KCNG3: variants seen among roughly 807,000 people sequenced by gnomAD.
KCNG3 encodes the protein voltage-gated potassium channel regulatory subunit KCNG3.
KCNG3 carries 15 observed loss-of-function variants against 29.0 expected under a neutral mutation model. The ratio of observed to expected loss-of-function variants is 0.52; its 90% CI spans 0.35 to 0.80. The LOEUF (loss-of-function observed/expected upper bound fraction) is 0.80, where lower values mean the gene tolerates loss of function less well. KCNG3 is among the 30% of genes least tolerant of loss of function. KCNG3 has a pLI of 0.01. For missense variants in KCNG3, 512 were observed against 605.7 expected (o/e 0.85, Z 1.62); for synonymous variants, 322 against 248.9 (o/e 1.29, Z -2.76).
At chr2:42,396,944 T>G in the KCNG3 span, among the ~76,000 whole-genome samples, 1 of 152,088 alleles carries the variant, frequency 6.6e-6, no homozygotes, top group African/African-American at 2.4e-5. Context: ...AGCCACACAA[T>G]GGAGTAATGG....
the KCNG3 span, among the ~76,000 whole-genome samples, chr2:42,426,023 T>C: frequency 6.6e-6 from 1 of 152,242 alleles, no homozygotes; most frequent in African/African-American, 2.4e-5. Context: ...ATGTTCAAGC[T>C]GTAGAGACTT....
chr2:42,443,289 G>T lies in KCNG3; in HGVS notation c.*645C>A, dbSNP rs1044391997. The T allele has an allele frequency of 6.6e-6, 1 of 152,434 alleles. No individual in the cohort carries two copies. 9.4% of individuals were successfully genotyped at this position (152,434 alleles called of 1,614,324 possible). A position where few individuals can be genotyped will look rare whatever the true frequency, so the allele number is the denominator to read the frequency against. ...AAGAGATAAATCCAAAATGGAAAAGGGAGAACATACTCAAGCTTCCATGAA... is the reference window on the plus strand; with the variant it reads ...AAGAGATAAATCCAAAATGGAAAAGTGAGAACATACTCAAGCTTCCATGAA... On this transcript the variant is annotated 3_prime_UTR_variant, in exon 2 of 2. Transcript: ENST00000306078.
rs1399052488 is a variant in KCNG3, at chr2:42,484,606, G to A, written c.665+8231C>T. 4.6e-5 allele frequency among the ~76,000 whole-genome samples: 7 copies of A among 152,198 alleles called. No individual in the cohort carries two copies. In the East Asian group the frequency reaches 5.8e-4, roughly 13 times the overall value. The stretch of plus-strand genomic sequence containing the variant: ...TTCATATGTGCATGGAAAGTTTCTC[G>A]AAGAATACCCAGAAACTGGGTGGTG... On this transcript the variant is annotated intron_variant, in intron 1 of 1. Transcript: ENST00000306078.
chr2:42,402,895 A>C, the KCNG3 span, among the ~76,000 whole-genome samples: 1 of 152,184 alleles, frequency 6.6e-6, no homozygotes, highest in African/African-American at 2.4e-5. Flanking sequence ...GAATGTAAAA[A>C]ATGTTTGTCA....
intron 1 of KCNG3, among the ~76,000 whole-genome samples, chr2:42,471,294 A>T (rs1425751762): frequency 6.6e-6 from 1 of 152,168 alleles, no homozygotes. Flanking sequence ...TGGGTAAACA[A>T]CATGTTGCAT....
chr2:42,392,181 G>T, the KCNG3 span, among the ~76,000 whole-genome samples: 1 of 152,128 alleles, frequency 6.6e-6, no homozygotes, highest in Non-Finnish European at 1.5e-5. Flanking sequence ...ATGAACTCAG[G>T]AGGCTCTCCC....
chr2:42,471,207 C>A (rs1294631969), intron 1 of KCNG3, among the ~76,000 whole-genome samples: 1 of 147,010 alleles, frequency 6.8e-6, no homozygotes, highest in Non-Finnish European at 1.5e-5. Flanking sequence ...TATATTCACA[C>A]AAAAATTTGG....
chr2:42,460,762 G>A (rs541081469), intron 1 of KCNG3, among the ~76,000 whole-genome samples: 1 of 152,254 alleles, frequency 6.6e-6, no homozygotes, highest in Admixed American at 6.5e-5. Context: ...ACTGACCAGT[G>A]TTTAGGCTTC....
chr2:42,455,258 C>T (rs146112884), intron 1 of KCNG3, among the ~76,000 whole-genome samples: 6 of 152,164 alleles, frequency 3.9e-5, no homozygotes, highest in Non-Finnish European at 7.3e-5. Flanking sequence ...TGAGCCACCA[C>T]GCCCAGCAAG....
the KCNG3 span, among the ~76,000 whole-genome samples, chr2:42,393,038 A>G: frequency 6.6e-6 from 1 of 152,168 alleles, no homozygotes; most frequent in African/African-American, 2.4e-5. Context: ...TATTATATTA[A>G]GCCCAAATTA....
At chr2:42,445,978 C>A (rs112366263) in intron 1 of KCNG3, among the ~76,000 whole-genome samples, 8,394 of 151,972 alleles carry the variant, frequency 0.055, 258 homozygotes, top group Middle Eastern at 0.1. Flanking sequence ...CTGCCCACCT[C>A]AGCCTCCCGA....
Position 42,443,270 on chromosome 2 carries a change from T to G in KCNG3, c.*664A>C, listed in dbSNP as rs1340174921. The G allele has an allele frequency of 6.6e-6, 1 of 152,386 alleles. No individual in the cohort carries two copies. Among genetic ancestry groups the G allele is most frequent in the Non-Finnish European group, 1.5e-5 (1 of 68,020 alleles). The allele number at this position is 152,386 out of a possible 1,614,324, so 9.4% of individuals were successfully genotyped here. A position where few individuals can be genotyped will look rare whatever the true frequency, so the allele number is the denominator to read the frequency against. On this transcript the variant is annotated 3_prime_UTR_variant, in exon 2 of 2. Transcript: ENST00000306078. ...CTTTTGAGTCATTACAGTAAAGAGA[T>G]AAATCCAAAATGGAAAAGGGAGAAC...
At chr2:42,459,909 G>C (rs1014160121) in intron 1 of KCNG3, among the ~76,000 whole-genome samples, 1 of 151,592 alleles carries the variant, frequency 6.6e-6, no homozygotes, top group African/African-American at 2.4e-5. Flanking sequence ...CCGGGAGGTG[G>C]AGCTTGCAGG....
In KCNG3 at chr2:42,442,606, T is replaced by C. The variant is rs1206912520; in HGVS notation, c.*1328A>G. 2 of 152,240 alleles carry C rather than the reference T, an allele frequency of 1.3e-5. No homozygotes were observed. Among genetic ancestry groups the C allele is most frequent in the Non-Finnish European group, 2.9e-5 (2 of 68,048 alleles). 9.4% of individuals were successfully genotyped at this position (152,240 alleles called of 1,614,324 possible). A position where few individuals can be genotyped will look rare whatever the true frequency, so the allele number is the denominator to read the frequency against. ...CCTGTCTTCTCTACCTCTGACAAAA[T>C]TACTGTGTACAACATTCAATTTTTT... On this transcript the variant is annotated 3_prime_UTR_variant, in exon 2 of 2. Transcript: ENST00000306078.
At chr2:42,462,620 T>C (rs1239881524) in intron 1 of KCNG3, among the ~76,000 whole-genome samples, 2 of 152,016 alleles carry the variant, frequency 1.3e-5, no homozygotes, top group Non-Finnish European at 2.9e-5. Flanking sequence ...AGGCAGACGT[T>C]ACAGTGGGCT....
rs1443974473 is a variant in KCNG3, at chr2:42,442,647, A to C, written c.*1287T>G. Reference sequence around the variant, plus strand: ...TCAATTTTTTATGAATCTGTCACTAATTATTTGTGTTTATATATACACTAA... The same window carrying C: ...TCAATTTTTTATGAATCTGTCACTACTTATTTGTGTTTATATATACACTAA... On this transcript the variant is annotated 3_prime_UTR_variant, in exon 2 of 2. Coordinates refer to ENST00000306078, the MANE Select transcript of KCNG3 (RefSeq NM_133329.6). 1 of 152,188 alleles carries C rather than the reference A, an allele frequency of 6.6e-6. No homozygotes were observed. The highest frequency in any genetic ancestry group is 1.5e-5 in the Non-Finnish European group (1 of 68,018). 9.4% of individuals were successfully genotyped at this position (152,188 alleles called of 1,614,324 possible).
At chr2:42,452,243 A>ATATATATATTT in intron 1 of KCNG3, among the ~76,000 whole-genome samples, 15 of 95,048 alleles carry the variant, frequency 1.6e-4, no homozygotes, top group Non-Finnish European at 3.0e-4. Flanking sequence ...ATATATATAT[A>ATATATATATTT]TTTTTTTTTT....
intron 1 of KCNG3, among the ~76,000 whole-genome samples, chr2:42,467,000 G>C (rs931373147): frequency 9.9e-5 from 15 of 151,938 alleles, no homozygotes; most frequent in African/African-American, 3.6e-4. Flanking sequence ...TGATCCGCCC[G>C]CCTCGGCCTC....
intron 1 of KCNG3, chr2:42,463,548 G>C (rs1330084267): frequency 1.2e-5 from 2 of 169,740 alleles, no homozygotes; most frequent in African/African-American, 4.8e-5. Context: ...AATTCATCCG[G>C]TAGCCATCCA....
Sources: gnomAD v4.1 joint callset for allele counts (sites outside exome capture counted in the v4.1 genomes callset) on GRCh38, gnomAD v4.1.1 for gene constraint, MANE v1.5 for transcripts, NCBI Gene and HGNC (gene_info 2026-07-23, HGNC 2026-07-21) for gene names.